Variants in LANCL3 observed in about 807,000 individuals in gnomAD.
LANCL3 encodes the protein lanC-like protein 3.
A neutral mutation model predicts 26.5 loss-of-function variants in LANCL3; 19 were observed. The ratio of observed to expected loss-of-function variants is 0.72; its 90% CI spans 0.50 to 1.05. LANCL3 has a LOEUF of 1.05. LANCL3 is among the 50% of genes least tolerant of loss of function. The pLI is 0.00. For synonymous variants in LANCL3, 160 were observed against 166.6 expected, an observed-to-expected ratio of 0.96 and a Z score of 0.30; for missense variants, 318 against 362.7, an observed-to-expected ratio of 0.88 and a Z score of 1.00.
intron 1 of LANCL3, among the ~76,000 whole-genome samples, chrX:37,614,782 G>A (rs1164036607): frequency 8.9e-6 from 1 of 111,979 alleles, no homozygotes; most frequent in African/African-American, 3.2e-5. Flanking sequence ...GCACTACTAG[G>A]TTACAAGTGT....
chrX:37,631,217 A>G lies in LANCL3; in HGVS notation c.574-24471A>G, dbSNP rs1182301415. ...GTCGAGAAATTTATCCATTTCTTCT[A>G]GATTTTCTAGTTTATTTGTGTAGAG... On this transcript the variant is annotated intron_variant, in intron 1 of 4. Coordinates refer to ENST00000378619, the MANE Select transcript of LANCL3 (RefSeq NM_001170331.2). Among the ~76,000 whole-genome samples, 4 of 111,883 alleles carry G rather than the reference A, an allele frequency of 3.6e-5. No individual in the cohort carries two copies. In the East Asian group the frequency reaches 1.1e-3, roughly 31 times the overall value.
intron 3 of LANCL3, among the ~76,000 whole-genome samples, chrX:37,664,441 C>G (rs1419110953): frequency 8.9e-6 from 1 of 112,346 alleles, no homozygotes; most frequent in Non-Finnish European, 1.9e-5. Context: ...GAAACACTTA[C>G]CAAGTTCTGT....
rs189918163 is a variant in LANCL3 at position 37,651,284 on chromosome X, A to G, written c.574-4404A>G. On this transcript the variant is annotated intron_variant, in intron 1 of 4. Transcript: ENST00000378619. ...TGGGTCAAATGGTATTTCTAGTTCTAGATCTTTAAGGAATCGCCACACTGT... is the reference window on the plus strand; with the variant it reads ...TGGGTCAAATGGTATTTCTAGTTCTGGATCTTTAAGGAATCGCCACACTGT... Among the ~76,000 whole-genome samples, 31 of 111,777 alleles carry G rather than the reference A, an allele frequency of 2.8e-4. No individual in the cohort carries two copies. In the East Asian group the frequency reaches 7.3e-3, roughly 26 times the overall value.
At chrX:37,669,105 C>A (rs1926617168) in intron 4 of LANCL3, among the ~76,000 whole-genome samples, 1 of 111,908 alleles carries the variant, frequency 8.9e-6, no homozygotes, top group Non-Finnish European at 1.9e-5. Context: ...AATGTATGTT[C>A]ACATAAATGT....
At chrX:37,633,465 C>T (rs1275505590) in intron 1 of LANCL3, among the ~76,000 whole-genome samples, 1 of 111,904 alleles carries the variant, frequency 8.9e-6, no homozygotes, top group Non-Finnish European at 1.9e-5. Flanking sequence ...TGTTCCATTG[C>T]TGGTGAGGAA....
In LANCL3 at chrX:37,659,637, G is replaced by A; in HGVS notation, c.873G>A (p.Val291=). 1 of 1,210,249 alleles carries A rather than the reference G, an allele frequency of 8.3e-7. No individual in the cohort carries two copies. The highest frequency in any genetic ancestry group is 1.1e-6 in the Non-Finnish European group (1 of 894,810). Reference sequence around the variant, plus strand: ...CCATCGAGAGAGAGAATGAGCTGGTGCACTGGTGCCATGGCGCTCCAGGTC... The same window carrying A: ...CCATCGAGAGAGAGAATGAGCTGGTACACTGGTGCCATGGCGCTCCAGGTC... The part of the protein sequence containing the change: ...GETIERENEL[V]HWCHGAPGIA... The change falls in exon 3 of 5, where the codon GTG becomes GTA. Residue 291 remains valine (V), a synonymous_variant. Coordinates refer to ENST00000378619, the MANE Select transcript of LANCL3 (RefSeq NM_001170331.2).
intron 1 of LANCL3, among the ~76,000 whole-genome samples, chrX:37,602,031 T>C (rs1391802610): frequency 8.9e-6 from 1 of 111,759 alleles, no homozygotes; most frequent in African/African-American, 3.3e-5. Context: ...CTTAGCAGAA[T>C]GCAATGATCA....
chrX:37,659,701 A>G (rs1382668067), intron 3 of LANCL3, 42 bp downstream of exon 3: 2 of 1,130,806 alleles, frequency 1.8e-6, no homozygotes, highest in Non-Finnish European at 2.4e-6. Context: ...CCTTTCATCT[A>G]GGTTAGCCAC....
intron 1 of LANCL3, among the ~76,000 whole-genome samples, chrX:37,589,981 C>T (rs782602998): frequency 1.8e-4 from 20 of 112,596 alleles, no homozygotes; most frequent in Non-Finnish European, 3.4e-4. Flanking sequence ...AATTACTCTG[C>T]ACTTCCTCCA....
intron 3 of LANCL3, among the ~76,000 whole-genome samples, chrX:37,665,210 A>G (rs1400988857): frequency 8.9e-6 from 1 of 112,351 alleles, no homozygotes; most frequent in Non-Finnish European, 1.9e-5. Context: ...CCTGATGACC[A>G]CAGAGTACAG....
chrX:37,614,438 C>A (rs1257845386), intron 1 of LANCL3, among the ~76,000 whole-genome samples: 3 of 112,160 alleles, frequency 2.7e-5, no homozygotes, highest in African/African-American at 9.7e-5. Flanking sequence ...TGTGTAGAAT[C>A]AACTCACTTC....
At position 37,682,254 on chromosome X, in the gene LANCL3, C is replaced by T. The variant is rs1926958544; in HGVS notation, c.*6441C>T. 9.3e-6 allele frequency: 1 copy of T among 108,073 alleles called. No homozygotes were observed. The highest frequency in any genetic ancestry group is 9.8e-5 in the Admixed American group (1 of 10,196). The allele number at this position is 108,073 out of a possible 1,213,427, so 8.9% of individuals were successfully genotyped here. A position where few individuals can be genotyped will look rare whatever the true frequency, so the allele number is the denominator to read the frequency against. ...AGTAGCTGGGACTACAGGCGCCCGC[C>T]ACTACGCCCGGCTAATTTTTTGTAT... On this transcript the variant is annotated 3_prime_UTR_variant, in exon 5 of 5. Transcript: ENST00000378619.
chrX:37,589,682 A>T (rs1556418645), intron 1 of LANCL3, among the ~76,000 whole-genome samples: 1 of 111,632 alleles, frequency 9.0e-6, no homozygotes, highest in East Asian at 2.8e-4. Context: ...ATTGATTCTG[A>T]GTATTGGTGT....
chrX:37,658,334 C>T (rs1249899846), intron 2 of LANCL3, among the ~76,000 whole-genome samples: 1 of 112,022 alleles, frequency 8.9e-6, no homozygotes, highest in Non-Finnish European at 1.9e-5. Flanking sequence ...GCTGAGAAAG[C>T]CAGATCCAGG....
intron 1 of LANCL3, among the ~76,000 whole-genome samples, chrX:37,598,090 AT>A (rs1378769380): frequency 1.8e-5 from 2 of 110,813 alleles, no homozygotes; most frequent in Non-Finnish European, 3.8e-5. Context: ...ATTTGCAAAT[AT>A]TTTCTGCCAA....
At chrX:37,621,518 G>A (rs1214316324) in intron 1 of LANCL3, among the ~76,000 whole-genome samples, 2 of 112,215 alleles carry the variant, frequency 1.8e-5, no homozygotes, top group African/African-American at 6.5e-5. Context: ...CTTTAAAAGT[G>A]GCACTCTAAC....
At chrX:37,654,608 G>A (rs1208395856) in intron 1 of LANCL3, among the ~76,000 whole-genome samples, 1 of 112,000 alleles carries the variant, frequency 8.9e-6, no homozygotes, top group Admixed American at 9.5e-5. Flanking sequence ...AGAGGCTTAA[G>A]AAACAATCGT....
At chrX:37,618,545 T>A (rs782048275) in intron 1 of LANCL3, among the ~76,000 whole-genome samples, 2 of 112,154 alleles carry the variant, frequency 1.8e-5, no homozygotes, top group Non-Finnish European at 3.8e-5. Context: ...TGGTCCCTCC[T>A]GAGGGCTGTA....
chrX:37,653,708 A>G (rs1926212782), intron 1 of LANCL3, among the ~76,000 whole-genome samples: 1 of 112,016 alleles, frequency 8.9e-6, no homozygotes, highest in Non-Finnish European at 1.9e-5. Context: ...TATGGTAGCA[A>G]TTTGAATGGT....
Sources: allele counts gnomAD v4.1 joint callset (sites outside exome capture counted in the v4.1 genomes callset), GRCh38; gene constraint gnomAD v4.1.1; transcripts MANE v1.5; gene names NCBI Gene and HGNC (gene_info 2026-07-23, HGNC 2026-07-21).